RBM39: variants seen among roughly 807,000 people sequenced by gnomAD.
RBM39 encodes the protein RNA-binding protein 39.
RBM39 carries 12 observed loss-of-function variants against 79.6 expected under a neutral mutation model. The observed-to-expected ratio is 0.15, with a 90% CI of 0.10 to 0.24. RBM39 has a LOEUF of 0.24. Among genes scored for constraint, RBM39 ranks in the 10% least tolerant of loss-of-function variants. RBM39 has a pLI of 1.00. For synonymous variants in RBM39, 185 were observed against 208.4 expected, an observed-to-expected ratio of 0.89 and a Z score of 0.97; for missense variants, 243 against 653.4, an observed-to-expected ratio of 0.37 and a Z score of 6.85.
rs560379439 is a variant in RBM39 at position 35,741,327 on chromosome 20, C to G, written c.-13-440G>C. ...GGGATTACAGGCGTGAGCCACCGCG[C>G]CCGGCCTGGTAAACGTTTTTCAAAT... is the stretch of plus-strand genomic sequence containing the variant. On this transcript the variant is annotated intron_variant, in intron 1 of 16. Transcript: ENST00000253363. 74 of 153,894 alleles carry G rather than the reference C, an allele frequency of 4.8e-4. 4 individuals carry two copies. The South Asian group carries it at 0.014, about 29-fold the overall frequency. The allele number at this position is 153,894 out of a possible 1,614,324, so 9.5% of individuals were successfully genotyped here.
At chr20:35,736,610 T>C (rs1234026052) in intron 3 of RBM39, 3 of 467,380 alleles carry the variant, frequency 6.4e-6, no homozygotes, top group Non-Finnish European at 1.3e-5. Flanking sequence ...TAAATGGCTA[T>C]TTTTCTCTCG....
intron 2 of RBM39, chr20:35,740,371 C>T: frequency 5.5e-6 from 2 of 363,062 alleles, no homozygotes; most frequent in Non-Finnish European, 5.5e-6. Context: ...TTTAACTTGC[C>T]ACAGACTGGT....
chr20:35,709,994 C>A (rs752243750), intron 12 of RBM39, among the ~76,000 whole-genome samples: 1 of 152,052 alleles, frequency 6.6e-6, no homozygotes, highest in Non-Finnish European at 1.5e-5. Flanking sequence ...AGGGATGTGA[C>A]CAATATATTT....
At chr20:35,705,112 A>C in intron 15 of RBM39, 113 bp downstream of exon 15, 6 of 697,188 alleles carry the variant, frequency 8.6e-6, no homozygotes, top group Non-Finnish European at 1.2e-5. Flanking sequence ...TCAGGCACAC[A>C]CACACAAAAA....
chr20:35,711,457 A>G (rs893750706), intron 12 of RBM39, among the ~76,000 whole-genome samples: 1 of 152,226 alleles, frequency 6.6e-6, no homozygotes, highest in African/African-American at 2.4e-5. Context: ...TGGAATAAAG[A>G]TAACTTGAGG....
chr20:35,729,638 T>A, intron 4 of RBM39, 111 bp from the exon 5 acceptor site: 3 of 968,442 alleles, frequency 3.1e-6, no homozygotes, highest in Non-Finnish European at 4.7e-6. Flanking sequence ...CTTTTCCACC[T>A]CAGTTATGAA....
At chr20:35,734,523 C>A (rs767741968) in intron 3 of RBM39, 29 of 213,276 alleles carry the variant, frequency 1.4e-4, no homozygotes, top group Non-Finnish European at 2.4e-4. Context: ...CTCCATCCCC[C>A]TCAAAAACAA....
At chr20:35,704,921 T>C (rs1432569862) in intron 15 of RBM39, 175 bp from the exon 16 acceptor site, 3 of 618,360 alleles carry the variant, frequency 4.9e-6, no homozygotes, top group Non-Finnish European at 8.4e-6. Context: ...TGACTTCTAC[T>C]CTCAAATTTG....
intron 7 of RBM39, 27 bp downstream of exon 7, chr20:35,725,011 T>C (rs1259378914): frequency 6.8e-7 from 1 of 1,465,402 alleles, no homozygotes; most frequent in Non-Finnish European, 9.4e-7. Context: ...TCTACCTACT[T>C]GACCTCCCTA....
intron 4 of RBM39, among the ~76,000 whole-genome samples, chr20:35,730,879 G>A (rs2039288403): frequency 1.3e-5 from 2 of 152,110 alleles, no homozygotes; most frequent in Admixed American, 6.6e-5. Context: ...GCAGCTTGGA[G>A]GAAACCAGCA....
At chr20:35,722,290 C>T (rs1214426141) in intron 8 of RBM39, among the ~76,000 whole-genome samples, 2 of 151,378 alleles carry the variant, frequency 1.3e-5, no homozygotes, top group African/African-American at 4.9e-5. Context: ...ACCTGTAGTC[C>T]CAGCTACTCA....
intron 4 of RBM39, among the ~76,000 whole-genome samples, chr20:35,730,551 A>C (rs1472347954): frequency 7.2e-5 from 11 of 152,162 alleles, no homozygotes; most frequent in Non-Finnish European, 1.2e-4. Flanking sequence ...ATTAGTTATA[A>C]GCTATTTTCT....
intron 3 of RBM39, chr20:35,734,233 C>A: frequency 7.7e-7 from 1 of 1,303,882 alleles, no homozygotes; most frequent in Non-Finnish European, 1.0e-6. Flanking sequence ...AGATGTAGAG[C>A]TTTCCAAGGA....
intron 1 of RBM39, among the ~76,000 whole-genome samples, chr20:35,741,105 G>C (rs1296682153): frequency 3.7e-5 from 5 of 133,688 alleles, no homozygotes; most frequent in African/African-American, 1.1e-4. Context: ...CGCGATCTCG[G>C]CTCACTGCAA....
intron 3 of RBM39, among the ~76,000 whole-genome samples, chr20:35,735,262 A>C (rs1020814687): frequency 6.6e-6 from 1 of 152,222 alleles, no homozygotes; most frequent in Non-Finnish European, 1.5e-5. Flanking sequence ...TACTTTAACA[A>C]ATAATATTCC....
rs773616534 is a variant in RBM39, at chr20:35,727,648, G to GTTTT, written c.416+1663_416+1664insAAAA. 1.3e-3 allele frequency among the ~76,000 whole-genome samples: 174 copies of GTTTT among 134,544 alleles called. 2 individuals are homozygous for GTTTT. The highest frequency in any genetic ancestry group is 4.6e-3 in the African/African-American group (160 of 35,158). The allele number at this position is 134,544 out of a possible 152,430, so 88.3% of individuals were successfully genotyped here. ...ACACCACCATGCCCAGCTAATTTTT[G>GTTTT]TATTTTTTTTTTTTTTTTGAGACAG... is the stretch of plus-strand genomic sequence containing the variant. On this transcript the variant is annotated intron_variant, in intron 6 of 16. Transcript: ENST00000253363.
At chr20:35,732,337 C>A in intron 3 of RBM39, 1 of 584,290 alleles carries the variant, frequency 1.7e-6, no homozygotes, top group East Asian at 2.9e-5. Context: ...GCAGGCAGAT[C>A]ACAAGGTCAG....
intron 6 of RBM39, among the ~76,000 whole-genome samples, chr20:35,725,572 C>T (rs998921240): frequency 7.9e-5 from 12 of 152,124 alleles, no homozygotes; most frequent in East Asian, 3.9e-4. Flanking sequence ...TGAGCCACTA[C>T]GCCTGGCCTA....
chr20:35,713,661 C>T (rs2036733204), intron 11 of RBM39: 1 of 82,416 alleles, frequency 1.2e-5, no homozygotes, highest in Non-Finnish European at 2.2e-5. Context: ...ACCAACCAAC[C>T]AACACAAAAA....
Sources: gnomAD v4.1 joint callset for allele counts (sites outside exome capture counted in the v4.1 genomes callset) on GRCh38, gnomAD v4.1.1 for gene constraint, MANE v1.5 for transcripts, NCBI Gene and HGNC (gene_info 2026-07-23, HGNC 2026-07-21) for gene names.